ERGIC2: variants seen among roughly 807,000 people sequenced by gnomAD.
ERGIC2 encodes ERGIC and golgi 2, also known as endoplasmic reticulum-Golgi intermediate compartment protein 2.
Under a neutral mutation model 52.5 loss-of-function variants are expected in ERGIC2, and 31 were observed. The observed-to-expected ratio is 0.59, with a 90% CI of 0.44 to 0.80. The LOEUF (loss-of-function observed/expected upper bound fraction) is 0.80, where lower values mean the gene tolerates loss of function less well. Among genes scored for constraint, ERGIC2 ranks in the 30% least tolerant of loss-of-function variants. ERGIC2 has a pLI of 0.00. For missense variants in ERGIC2, 395 were observed against 455.2 expected, an observed-to-expected ratio of 0.87 and a Z score of 1.20; for synonymous variants, 129 against 140.6, an observed-to-expected ratio of 0.92 and a Z score of 0.58.
At chr12:29,358,752 G>C (rs553931007) in intron 6 of ERGIC2, among the ~76,000 whole-genome samples, 1 of 152,138 alleles carries the variant, frequency 6.6e-6, no homozygotes, top group South Asian at 2.1e-4. Context: ...AAGCAAATGT[G>C]AATCTCATAA....
intron 1 of ERGIC2, among the ~76,000 whole-genome samples, chr12:29,378,569 A>T (rs1940545722): frequency 6.6e-6 from 1 of 152,006 alleles, no homozygotes; most frequent in Non-Finnish European, 1.5e-5. Context: ...AAGATAGCTT[A>T]GCTTTACTTT....
intron 5 of ERGIC2, among the ~76,000 whole-genome samples, chr12:29,365,615 G>GA (rs1940349497): frequency 6.7e-6 from 1 of 148,904 alleles, no homozygotes; most frequent in Admixed American, 6.7e-5. Context: ...ACTAAAAGTT[G>GA]AAAAAACAGT....
intron 8 of ERGIC2, among the ~76,000 whole-genome samples, chr12:29,353,644 T>C (rs1326852025): frequency 6.6e-6 from 1 of 152,008 alleles, no homozygotes; most frequent in African/African-American, 2.4e-5. Flanking sequence ...ATGCTCAACC[T>C]ATACATTTTA....
intron 1 of ERGIC2, among the ~76,000 whole-genome samples, chr12:29,376,099 T>A (rs1187475039): frequency 6.6e-6 from 1 of 152,196 alleles, no homozygotes; most frequent in East Asian, 1.9e-4. Flanking sequence ...TTCTCAACCA[T>A]CTCTCATGTT....
At chr12:29,362,105 T>A (rs1940294550) in intron 5 of ERGIC2, among the ~76,000 whole-genome samples, 1 of 152,160 alleles carries the variant, frequency 6.6e-6, no homozygotes, top group Admixed American at 6.5e-5. Flanking sequence ...AAATCAACAA[T>A]TTTTGAAATG....
At chr12:29,354,944 C>G (rs1428951408) in intron 8 of ERGIC2, among the ~76,000 whole-genome samples, 1 of 151,736 alleles carries the variant, frequency 6.6e-6, no homozygotes, top group Admixed American at 6.6e-5. Flanking sequence ...GTAATGGTAA[C>G]AAAACAACAA....
At position 29,339,669 on chromosome 12, in the gene ERGIC2, T is replaced by G. The variant is rs1007487176; in HGVS notation, c.*1487A>C. 6.6e-6 allele frequency: 1 copy of G among 152,320 alleles called. No individual in the cohort carries two copies. 9.4% of individuals were successfully genotyped at this position (152,320 alleles called of 1,614,324 possible). On this transcript the variant is annotated 3_prime_UTR_variant, in exon 14 of 14. Coordinates refer to ENST00000360150, the MANE Select transcript of ERGIC2 (RefSeq NM_016570.3). ...TGCTTCTGTTATTTTCTGCAAAACG[T>G]CATTCTGCATAAACTTTACTGCAAA...
At chr12:29,356,350 TAAAG>T in intron 8 of ERGIC2, 28 bp downstream of exon 8, 1 of 1,272,688 alleles carries the variant, frequency 7.9e-7, no homozygotes, top group Non-Finnish European at 1.1e-6. Flanking sequence ...CAACTTTGTC[TAAAG>T]TATTTTCAGT....
chr12:29,379,931 C>G (rs1246303526), intron 1 of ERGIC2, among the ~76,000 whole-genome samples: 3 of 152,082 alleles, frequency 2.0e-5, no homozygotes, highest in South Asian at 4.1e-4. Flanking sequence ...TGTTGTTTCC[C>G]TAACTCTCGT....
intron 6 of ERGIC2, among the ~76,000 whole-genome samples, chr12:29,359,389 G>A (rs1940252723): frequency 6.6e-6 from 1 of 151,896 alleles, no homozygotes; most frequent in Non-Finnish European, 1.5e-5. Context: ...GTATATGTAT[G>A]TATATATTAT....
At chr12:29,373,573 T>C (rs534435965) in intron 1 of ERGIC2, among the ~76,000 whole-genome samples, 1 of 152,238 alleles carries the variant, frequency 6.6e-6, no homozygotes, top group African/African-American at 2.4e-5. Context: ...ATGAATACTG[T>C]CTAAAGGAAA....
chr12:29,373,916 A>T (rs1361476897), intron 1 of ERGIC2, among the ~76,000 whole-genome samples: 2 of 152,194 alleles, frequency 1.3e-5, no homozygotes, highest in Non-Finnish European at 2.9e-5. Context: ...TAGCTCTGAT[A>T]ATCAAATTTA....
chr12:29,344,126 T>A (rs1204439210), intron 11 of ERGIC2, among the ~76,000 whole-genome samples: 2 of 152,210 alleles, frequency 1.3e-5, no homozygotes, highest in Non-Finnish European at 1.5e-5. Context: ...TCTCATTTGA[T>A]TTTTAACAAT....
Position 29,375,858 on chromosome 12 carries a change from G to A in ERGIC2, c.-37-4188C>T, listed in dbSNP as rs565146309. Reference sequence around the variant, plus strand: ...TACTCCACCAGTCCCATTCCTGAAAGCTCAGCACTAACCTACCTCCAAGAA... The same window carrying A: ...TACTCCACCAGTCCCATTCCTGAAAACTCAGCACTAACCTACCTCCAAGAA... On this transcript the variant is annotated intron_variant, in intron 1 of 13. Coordinates refer to ENST00000360150, the MANE Select transcript of ERGIC2 (RefSeq NM_016570.3). Among the ~76,000 whole-genome samples the A allele has an allele frequency of 2.0e-5, 3 of 152,186 alleles. No homozygotes were observed. In the East Asian group the frequency reaches 5.8e-4, roughly 29 times the overall value.
At position 29,340,404 on chromosome 12, in the gene ERGIC2, AT is replaced by A. The variant is rs1368436753; in HGVS notation, c.*751del. 1 of 152,324 alleles carries A rather than the reference AT, an allele frequency of 6.6e-6. No individual in the cohort carries two copies. The highest frequency in any genetic ancestry group is 1.5e-5 in the Non-Finnish European group (1 of 68,136). The allele number at this position is 152,324 out of a possible 1,614,324, so 9.4% of individuals were successfully genotyped here. ...AAAACTTGGCATCTTTTTTAAAAAA[AT>A]GTGCTTTCTTTTCCGTGTATAAGAT... On this transcript the variant is annotated 3_prime_UTR_variant, in exon 14 of 14. Coordinates refer to ENST00000360150, the MANE Select transcript of ERGIC2 (RefSeq NM_016570.3).
chr12:29,346,170 G>A (rs1472145946), intron 10 of ERGIC2, among the ~76,000 whole-genome samples: 1 of 150,664 alleles, frequency 6.6e-6, no homozygotes, highest in Non-Finnish European at 1.5e-5. Context: ...ATCAATTATG[G>A]AAAAGTAGCA....
Position 29,356,437 on chromosome 12 carries a change from G to T in ERGIC2, c.517C>A (p.His173Asn). The change falls in exon 8 of 14, where the codon CAT (histidine) becomes AAT (asparagine). Residue 173 changes from histidine (H) to asparagine (N), a missense_variant. Physicochemically the swap from His to Asn is moderately conservative, Grantham distance 68 (BLOSUM62 1). Transcript: ENST00000360150. ...ACTTTATTGACATATAGATGGCCAT[G>T]AATTCTGCATGCATTTGGAGACTGT... ...SSQSPNACRI[H>N]GHLYVNKVAG... 1 of 1,603,796 alleles carries T rather than the reference G, an allele frequency of 6.2e-7. No individual in the cohort carries two copies. Among genetic ancestry groups the T allele is most frequent in the Non-Finnish European group, 8.5e-7 (1 of 1,170,760 alleles).
At chr12:29,370,698 A>G (rs529207851) in intron 2 of ERGIC2, among the ~76,000 whole-genome samples, 60 of 152,126 alleles carry the variant, frequency 3.9e-4, no homozygotes, top group African/African-American at 1.4e-3. Context: ...ACAAACAAAA[A>G]GGTAGCCTAA....
In ERGIC2 at chr12:29,341,056, T is replaced by C. The variant is rs949541943; in HGVS notation, c.*100A>G. ...TTAAAATAAGTATGTTTTCTGCTTATTTGTGTTTTCTTTTCTTTGAATATA... is the reference window on the plus strand; with the variant it reads ...TTAAAATAAGTATGTTTTCTGCTTACTTGTGTTTTCTTTTCTTTGAATATA... On this transcript the variant is annotated 3_prime_UTR_variant, in exon 14 of 14. Coordinates refer to ENST00000360150, the MANE Select transcript of ERGIC2 (RefSeq NM_016570.3). 2.4e-6 allele frequency: 2 copies of C among 847,794 alleles called. No individual in the cohort carries two copies. The highest frequency in any genetic ancestry group is 3.5e-5 in the African/African-American group (2 of 57,548). The allele number at this position is 847,794 out of a possible 1,614,324, so 52.5% of individuals were successfully genotyped here. A position where few individuals can be genotyped will look rare whatever the true frequency, so the allele number is the denominator to read the frequency against.
Sources: gnomAD v4.1 joint callset for allele counts (sites outside exome capture counted in the v4.1 genomes callset) on GRCh38, gnomAD v4.1.1 for gene constraint, MANE v1.5 for transcripts, NCBI Gene and HGNC (gene_info 2026-07-23, HGNC 2026-07-21) for gene names.